Variants in CSMD1 observed in about 807,000 individuals in gnomAD.
The protein encoded by CSMD1 is CUB and sushi domain-containing protein 1.
Under a neutral mutation model 417.5 loss-of-function variants are expected in CSMD1, and 213 were observed. The ratio of observed to expected loss-of-function variants is 0.51; its 90% CI spans 0.46 to 0.57. The LOEUF (loss-of-function observed/expected upper bound fraction) is 0.57, where lower values mean the gene tolerates loss of function less well. CSMD1 is among the 20% of genes least tolerant of loss of function. The pLI, the probability that CSMD1 is intolerant of heterozygous loss-of-function variation, is 0.00. For missense variants in CSMD1, 6,923 were observed against 4,529.7 expected (o/e 1.53, Z -15.17); for synonymous variants, 2,862 against 1,736.8 (o/e 1.65, Z -16.11).
intron 1 of CSMD1, among the ~76,000 whole-genome samples, chr8:4,881,855 T>G (rs1241807561): frequency 6.6e-6 from 1 of 152,078 alleles, no homozygotes; most frequent in Admixed American, 6.5e-5. Context: ...AGCATTATTT[T>G]GTTTTGTTAT....
intron 4 of CSMD1, among the ~76,000 whole-genome samples, chr8:4,014,295 G>A (rs1238618129): frequency 2.6e-5 from 4 of 152,182 alleles, no homozygotes; most frequent in Non-Finnish European, 4.4e-5. Flanking sequence ...GGCATTGCGT[G>A]TCGAAGTGAA....
Position 4,374,713 on chromosome 8 carries a change from G to A in CSMD1, c.415+45240C>T, listed in dbSNP as rs191239908. ...TAGGAAAATAAGCAGCTGCATCCGT[G>A]TCTGGAGCAGACTAAGCATGAGCAG... is the stretch of plus-strand genomic sequence containing the variant. On this transcript the variant is annotated intron_variant, in intron 3 of 69. Coordinates refer to ENST00000635120, the MANE Select transcript of CSMD1 (RefSeq NM_033225.6). Among the ~76,000 whole-genome samples, 134 of 152,256 alleles carry A rather than the reference G, an allele frequency of 8.8e-4. 1 individual carries two copies. The highest frequency in any genetic ancestry group is 1.7e-3 in the Non-Finnish European group (113 of 68,026).
intron 5 of CSMD1, among the ~76,000 whole-genome samples, chr8:3,936,610 C>G (rs1584996529): frequency 1.3e-5 from 2 of 152,174 alleles, no homozygotes; most frequent in South Asian, 4.1e-4. Context: ...ATTTTAAGGC[C>G]ACTGTTGAGA....
At chr8:3,051,926 T>C (rs1472207968) in intron 50 of CSMD1, among the ~76,000 whole-genome samples, 2 of 152,184 alleles carry the variant, frequency 1.3e-5, no homozygotes, top group Non-Finnish European at 2.9e-5. Context: ...ATTATTACTA[T>C]AGACTGTAAA....
rs896952542 is a variant in CSMD1, at chr8:3,190,253, A to G, written c.5195-138T>C. 6.7e-6 allele frequency: 4 copies of G among 594,758 alleles called. No homozygotes were observed. The South Asian group carries it at 7.7e-5, about 11-fold the overall frequency. 36.8% of individuals were successfully genotyped at this position (594,758 alleles called of 1,614,324 possible). On this transcript the variant is annotated intron_variant, in intron 33 of 69. Transcript: ENST00000635120. ...TAATAACGACTCCAACAATCGCTAT[A>G]GAGAATGATTTGAGGCGCTGGGACC... is the stretch of plus-strand genomic sequence containing the variant.
chr8:4,404,391 G>A (rs965950180), intron 3 of CSMD1, among the ~76,000 whole-genome samples: 2 of 152,144 alleles, frequency 1.3e-5, no homozygotes, highest in African/African-American at 4.8e-5. Flanking sequence ...CGCTGTATAT[G>A]TAATCTCTAG....
intron 26 of CSMD1, among the ~76,000 whole-genome samples, chr8:3,261,061 A>C (rs1801026287): frequency 6.6e-6 from 1 of 152,214 alleles, no homozygotes; most frequent in Non-Finnish European, 1.5e-5. Context: ...GAACTATAAA[A>C]CATGAAAAGA....
At chr8:4,434,012 C>A (rs988821184) in intron 2 of CSMD1, among the ~76,000 whole-genome samples, 1 of 152,050 alleles carries the variant, frequency 6.6e-6, no homozygotes, top group Admixed American at 6.6e-5. Flanking sequence ...AGCTTCAATT[C>A]TTTTCAAAGA....
intron 11 of CSMD1, among the ~76,000 whole-genome samples, chr8:3,478,234 A>T (rs75037073): frequency 1.3e-5 from 2 of 152,248 alleles, no homozygotes; most frequent in African/African-American, 4.8e-5. Context: ...ACTAAACATT[A>T]TCTGAATTAT....
chr8:3,117,218 C>T (rs577430782), intron 42 of CSMD1, among the ~76,000 whole-genome samples: 107 of 152,114 alleles, frequency 7.0e-4, no homozygotes, highest in African/African-American at 2.5e-3. Flanking sequence ...CTACAGGTGC[C>T]CACCACCACG....
chr8:4,036,968 T>G (rs1040607657), intron 3 of CSMD1, among the ~76,000 whole-genome samples: 15 of 149,338 alleles, frequency 1.0e-4, no homozygotes, highest in African/African-American at 3.7e-4. Flanking sequence ...TGTGTGTGTG[T>G]GTGTGTGTGT....
intron 1 of CSMD1, among the ~76,000 whole-genome samples, chr8:4,783,547 C>G (rs1382561841): frequency 2.0e-5 from 3 of 152,206 alleles, no homozygotes; most frequent in African/African-American, 7.2e-5. Context: ...ATGGCTTTCC[C>G]TGGTTCTAAG....
At chr8:4,185,917 G>A (rs138911347) in intron 3 of CSMD1, among the ~76,000 whole-genome samples, 5 of 152,226 alleles carry the variant, frequency 3.3e-5, no homozygotes, top group African/African-American at 1.2e-4. Context: ...TTATTACGTT[G>A]AGTTCATTTC....
intron 5 of CSMD1, among the ~76,000 whole-genome samples, chr8:3,892,250 C>G (rs1481151197): frequency 2.0e-5 from 3 of 152,142 alleles, no homozygotes; most frequent in African/African-American, 4.8e-5. Context: ...TACTCAGATA[C>G]CTGAACATTC....
intron 3 of CSMD1, among the ~76,000 whole-genome samples, chr8:4,378,369 G>C (rs1014326831): frequency 6.6e-6 from 1 of 152,194 alleles, no homozygotes; most frequent in Non-Finnish European, 1.5e-5. Context: ...ATAATCATGA[G>C]AAATTAGCTC....
chr8:3,860,354 G>A (rs1415094842), intron 5 of CSMD1, among the ~76,000 whole-genome samples: 2 of 151,980 alleles, frequency 1.3e-5, no homozygotes, highest in Non-Finnish European at 2.9e-5. Context: ...GGCAATTTCA[G>A]TTCATTTTTA....
intron 2 of CSMD1, among the ~76,000 whole-genome samples, chr8:4,558,775 G>T (rs1329346558): frequency 6.6e-6 from 1 of 152,174 alleles, no homozygotes; most frequent in East Asian, 1.9e-4. Context: ...GGCTGAGGCA[G>T]GAGAATTGCT....
intron 10 of CSMD1, among the ~76,000 whole-genome samples, chr8:3,536,720 G>C (rs1327744847): frequency 6.6e-6 from 1 of 152,118 alleles, no homozygotes; most frequent in Non-Finnish European, 1.5e-5. Flanking sequence ...CCCTCCTCCG[G>C]TCTTGCAGGT....
chr8:3,377,948 G>T (rs765410264), intron 18 of CSMD1, among the ~76,000 whole-genome samples: 6 of 152,136 alleles, frequency 3.9e-5, no homozygotes, highest in Non-Finnish European at 8.8e-5. Context: ...AATATTAAAA[G>T]AATTGAGGTC....
Sources: allele counts gnomAD v4.1 joint callset (sites outside exome capture counted in the v4.1 genomes callset), GRCh38; gene constraint gnomAD v4.1.1; transcripts MANE v1.5; gene names NCBI Gene and HGNC (gene_info 2026-07-23, HGNC 2026-07-21).